The following GPRC6A variants were observed in gnomAD, a reference collection of about 807,000 sequenced individuals.
GPRC6A encodes the protein G protein-coupled receptor family C group 6 member A.
A neutral mutation model predicts 47.0 loss-of-function variants in GPRC6A; 54 were observed. The observed-to-expected ratio is 1.15, with a 90% confidence interval of 0.92 to 1.44. GPRC6A has a LOEUF of 1.44. Among genes scored for constraint, GPRC6A ranks in the 40% most tolerant of loss-of-function variants. GPRC6A has a pLI of 0.00. For missense variants in GPRC6A, 1,112 were observed against 1,105.5 expected, an observed-to-expected ratio of 1.01 and a Z score of -0.08; for synonymous variants, 347 against 377.1, an observed-to-expected ratio of 0.92 and a Z score of 0.93.
intron 1 of GPRC6A, among the ~76,000 whole-genome samples, chr6:116,817,197 G>A (rs1332730264): frequency 1.3e-5 from 2 of 151,872 alleles, no homozygotes; most frequent in East Asian, 3.9e-4. Flanking sequence ...TCTGAGAATG[G>A]GCAGACTGCC....
chr6:116,809,144 T>G (rs1772944607), intron 2 of GPRC6A, among the ~76,000 whole-genome samples, 170 bp downstream of exon 2: 1 of 152,200 alleles, frequency 6.6e-6, no homozygotes, highest in Admixed American at 6.5e-5. Context: ...ATTACTCCCT[T>G]AGTACTTTTT....
chr6:116,797,968 T>C (rs1347973924), intron 4 of GPRC6A, among the ~76,000 whole-genome samples: 2 of 152,150 alleles, frequency 1.3e-5, no homozygotes, highest in African/African-American at 4.8e-5. Flanking sequence ...TTAAGGAAAA[T>C]GGTTTACAGC....
chr6:116,808,587 T>A (rs992417344), intron 2 of GPRC6A, among the ~76,000 whole-genome samples: 1 of 152,188 alleles, frequency 6.6e-6, no homozygotes, highest in Non-Finnish European at 1.5e-5. Flanking sequence ...ATATTTTGAA[T>A]TCTTATACAC....
At chr6:116,813,796 G>T (rs1340301308) in intron 1 of GPRC6A, among the ~76,000 whole-genome samples, 2 of 152,158 alleles carry the variant, frequency 1.3e-5, no homozygotes, top group South Asian at 2.1e-4. Context: ...CATGGCAAAA[G>T]AAACTACCAT....
At chr6:116,810,265 T>A (rs1303588065) in intron 1 of GPRC6A, among the ~76,000 whole-genome samples, 1 of 152,160 alleles carries the variant, frequency 6.6e-6, no homozygotes, top group Non-Finnish European at 1.5e-5. Context: ...TAATAAGGGT[T>A]CAATACACAT....
chr6:116,797,158 T>C (rs1175160829), intron 4 of GPRC6A, among the ~76,000 whole-genome samples: 1 of 152,016 alleles, frequency 6.6e-6, no homozygotes, highest in African/African-American at 2.4e-5. Context: ...CTTGCGATAG[T>C]TTACTGAGAA....
chr6:116,824,133 A>G (rs11759774), intron 1 of GPRC6A, among the ~76,000 whole-genome samples: 37,638 of 152,010 alleles, frequency 0.25, 5,173 homozygotes, highest in Non-Finnish European at 0.31. Context: ...AGCAATGAAC[A>G]TCTACAACGA....
At chr6:116,819,675 A>C in intron 1 of GPRC6A, among the ~76,000 whole-genome samples, 1 of 152,190 alleles carries the variant, frequency 6.6e-6, no homozygotes, top group Non-Finnish European at 1.5e-5. Flanking sequence ...ACAAAGACAC[A>C]ACATACCAGA....
chr6:116,806,451 T>A lies in GPRC6A; in HGVS notation c.1254A>T (p.Ala418=), dbSNP rs2114594549. The A allele has an allele frequency of 6.2e-7, 1 of 1,613,508 alleles. No homozygotes were observed. The highest frequency in any genetic ancestry group is 8.5e-7 in the Non-Finnish European group (1 of 1,179,686). The stretch of plus-strand genomic sequence containing the variant: ...GAATGGCATAACCAAGGGCAAACAC[T>A]GCAAGCTGAATACTATGAATGAGTC... ...EPGLIHSIQL[A]VFALGYAIRD... Residue 418 remains alanine (A), a synonymous_variant, in exon 3 of 6, where the codon GCA becomes GCT. Coordinates refer to ENST00000310357, the MANE Select transcript of GPRC6A (RefSeq NM_148963.4).
intron 1 of GPRC6A, among the ~76,000 whole-genome samples, chr6:116,814,328 A>G (rs1255136010): frequency 6.6e-6 from 1 of 152,216 alleles, no homozygotes; most frequent in African/African-American, 2.4e-5. Context: ...GGCACTATTC[A>G]CAATAGCAAA....
Position 116,794,285 on chromosome 6 carries a change from C to T in GPRC6A, c.1673-1035G>A, listed in dbSNP as rs145472510. On this transcript the variant is annotated intron_variant, in intron 5 of 5. Coordinates refer to ENST00000310357, the MANE Select transcript of GPRC6A (RefSeq NM_148963.4). ...GACCCTTCCAGCCTCCTCCTCTTTC[C>T]GAACTCTATTCCCCTAAAAAATCTG... 3.8e-3 allele frequency among the ~76,000 whole-genome samples: 581 copies of T among 152,272 alleles called. 5 individuals are homozygous for T. The highest frequency in any genetic ancestry group is 0.01 in the Middle Eastern group (3 of 294).
intron 1 of GPRC6A, among the ~76,000 whole-genome samples, chr6:116,810,672 TAATG>T (rs1302721026): frequency 2.6e-5 from 4 of 151,708 alleles, no homozygotes; most frequent in Admixed American, 6.6e-5. Flanking sequence ...TATCAAAACA[TAATG>T]AACTAAAAAG....
chr6:116,820,246 C>T (rs914050621), intron 1 of GPRC6A, among the ~76,000 whole-genome samples: 1 of 152,104 alleles, frequency 6.6e-6, no homozygotes. Flanking sequence ...AGTCCAGGAC[C>T]AGATGGATTC....
chr6:116,820,305 C>G (rs1327883194), intron 1 of GPRC6A, among the ~76,000 whole-genome samples: 3 of 152,184 alleles, frequency 2.0e-5, no homozygotes, highest in Non-Finnish European at 2.9e-5. Context: ...ACCATTCCTT[C>G]TGAAACTATT....
chr6:116,796,727 C>T (rs1195692001), intron 4 of GPRC6A, among the ~76,000 whole-genome samples: 2 of 152,124 alleles, frequency 1.3e-5, no homozygotes, highest in Admixed American at 6.6e-5. Context: ...TCAGTAGGCC[C>T]TGGGTCTGCA....
chr6:116,795,678 A>G, intron 5 of GPRC6A, 34 bp downstream of exon 5: 1 of 1,481,050 alleles, frequency 6.8e-7, no homozygotes, highest in Non-Finnish European at 9.0e-7. Context: ...CCTAAGAGGA[A>G]TGATTCAGGT....
At chr6:116,807,924 T>C (rs1772906018) in intron 2 of GPRC6A, among the ~76,000 whole-genome samples, 1 of 152,128 alleles carries the variant, frequency 6.6e-6, no homozygotes, top group South Asian at 2.1e-4. Context: ...GGTGAATTAT[T>C]ACCTTCTATA....
chr6:116,797,031 G>A (rs1296692173), intron 4 of GPRC6A, among the ~76,000 whole-genome samples: 5 of 134,698 alleles, frequency 3.7e-5, no homozygotes, highest in African/African-American at 5.6e-5. Context: ...TATCCCTCCC[G>A]CCTCCCCCTA....
rs78492331 is a variant in GPRC6A, at chr6:116,828,962, A to G, written c.52T>C (p.Ser18Pro). The G allele has an allele frequency of 2.3e-4, 379 of 1,613,260 alleles. 1 individual carries two copies. The East Asian group carries it at 5.8e-3, about 25-fold the overall frequency. Reference sequence around the variant, plus strand: ...TCATCAGGGGTCTGGCAAGGCTGTGAAGTAGCAAGAATAATCACAAAGCAG... The same window carrying G: ...TCATCAGGGGTCTGGCAAGGCTGTGGAGTAGCAAGAATAATCACAAAGCAG... ...ITCFVIILAT[S>P]QPCQTPDDFV... Residue 18 changes from serine (S) to proline (P), a missense_variant, in exon 1 of 6, where the codon TCA becomes CCA. Physicochemically the swap from Ser to Pro is moderately conservative, Grantham distance 74 (BLOSUM62 -1). Coordinates refer to ENST00000310357, the MANE Select transcript of GPRC6A (RefSeq NM_148963.4).
Sources: gnomAD v4.1 joint callset for allele counts (sites outside exome capture counted in the v4.1 genomes callset) on GRCh38, gnomAD v4.1.1 for gene constraint, MANE v1.5 for transcripts, NCBI Gene and HGNC (gene_info 2026-07-23, HGNC 2026-07-21) for gene names.